ROBO2: variants seen among roughly 807,000 people sequenced by gnomAD.
ROBO2 encodes roundabout homolog 2.
ROBO2 carries 53 observed loss-of-function variants against 160.8 expected under a neutral mutation model. That is an observed-to-expected ratio of 0.33 (90% CI 0.26 to 0.41). The LOEUF (loss-of-function observed/expected upper bound fraction) is 0.41. Ranked by LOEUF, ROBO2 falls within the 10% of genes least tolerant of loss-of-function variation. The pLI, the probability that ROBO2 is intolerant of heterozygous loss-of-function variation, is 1.00. For synonymous variants in ROBO2, 664 were observed against 611.7 expected (o/e 1.09, Z -1.26); for missense variants, 1,577 against 1,722.4 (o/e 0.92, Z 1.49).
At chr3:77,288,105 T>C (rs556664145) in intron 2 of ROBO2, among the ~76,000 whole-genome samples, 4 of 152,198 alleles carry the variant, frequency 2.6e-5, no homozygotes, top group African/African-American at 9.6e-5. Context: ...ATGTGTGTAA[T>C]GATGAATTTT....
At chr3:76,103,168 G>T (rs2069774001) in intron 2 of ROBO2, among the ~76,000 whole-genome samples, 1 of 152,146 alleles carries the variant, frequency 6.6e-6, no homozygotes, top group Non-Finnish European at 1.5e-5. Flanking sequence ...CAGAAAAGAA[G>T]GGAAGTTTCC....
At chr3:76,984,638 G>A (rs1434222315) in intron 2 of ROBO2, among the ~76,000 whole-genome samples, 1 of 152,186 alleles carries the variant, frequency 6.6e-6, no homozygotes, top group East Asian at 1.9e-4. Context: ...TGGAAACGTG[G>A]TGGGAAGCCC....
At chr3:77,516,209 G>A (rs1194033855) in intron 5 of ROBO2, among the ~76,000 whole-genome samples, 2 of 151,436 alleles carry the variant, frequency 1.3e-5, no homozygotes, top group Non-Finnish European at 3.0e-5. Flanking sequence ...ATCCCAATTT[G>A]TGCTATGCCA....
intron 2 of ROBO2, among the ~76,000 whole-genome samples, chr3:77,390,256 A>G (rs2153499605): frequency 6.6e-6 from 1 of 152,256 alleles, no homozygotes; most frequent in Admixed American, 6.5e-5. Context: ...TGGAAAATCT[A>G]AAGTTGTTAT....
intron 2 of ROBO2, among the ~76,000 whole-genome samples, chr3:76,610,119 G>A (rs1328578924): frequency 6.6e-6 from 1 of 152,192 alleles, no homozygotes; most frequent in Non-Finnish European, 1.5e-5. Flanking sequence ...GCATTTGGTT[G>A]AGGATTTTTG....
intron 2 of ROBO2, among the ~76,000 whole-genome samples, chr3:77,170,232 G>A (rs1019622863): frequency 6.6e-6 from 1 of 151,944 alleles, no homozygotes; most frequent in Non-Finnish European, 1.5e-5. Flanking sequence ...GTATGGCCTA[G>A]GTAGGTTTTT....
In ROBO2 at chr3:77,596,739, T is replaced by C. The variant is rs534447320; in HGVS notation, c.2843T>C (p.Phe948Ser). 3.1e-6 allele frequency: 5 copies of C among 1,613,718 alleles called. No individual in the cohort carries two copies. In the South Asian group the frequency reaches 5.5e-5, roughly 18 times the overall value. The change falls in exon 19 of 26, where the codon TTT becomes TCT. Residue 948 changes from phenylalanine (F) to serine (S), a missense_variant. Physicochemically the swap from Phe to Ser is radical, Grantham distance 155. Transcript: ENST00000461745. Reference sequence around the variant, plus strand: ...AGTGGCCCAAATGAGATTGGAAATTTTGGCCGTGGAGGTAAGTTGTGTTTT... The same window carrying C: ...AGTGGCCCAAATGAGATTGGAAATTCTGGCCGTGGAGGTAAGTTGTGTTTT...
At chr3:76,463,828 G>A (rs1433595731) in intron 2 of ROBO2, among the ~76,000 whole-genome samples, 1 of 152,154 alleles carries the variant, frequency 6.6e-6, no homozygotes. Flanking sequence ...GCAATTTCGA[G>A]CTCAACAGAA....
intron 2 of ROBO2, among the ~76,000 whole-genome samples, chr3:77,197,612 G>C (rs758426547): frequency 6.6e-6 from 1 of 152,322 alleles, no homozygotes; most frequent in South Asian, 2.1e-4. Flanking sequence ...CAGAAAGGGG[G>C]TGAGACTTCA....
At chr3:77,237,021 A>G (rs1032044882) in intron 2 of ROBO2, among the ~76,000 whole-genome samples, 4 of 152,004 alleles carry the variant, frequency 2.6e-5, no homozygotes, top group Non-Finnish European at 4.4e-5. Context: ...CTACAGGCAC[A>G]TGCCACCATG....
chr3:76,643,394 A>G (rs1258332472), intron 2 of ROBO2, among the ~76,000 whole-genome samples: 4 of 152,192 alleles, frequency 2.6e-5, no homozygotes, highest in Admixed American at 2.0e-4. Context: ...CTCTGAGATT[A>G]CAGTTTTTTA....
chr3:76,101,397 A>G (rs2108166863), intron 2 of ROBO2, among the ~76,000 whole-genome samples: 1 of 152,242 alleles, frequency 6.6e-6, no homozygotes, highest in African/African-American at 2.4e-5. Context: ...TTTTAGATAT[A>G]AAAACATTGA....
intron 2 of ROBO2, among the ~76,000 whole-genome samples, chr3:76,879,833 C>T (rs773631507): frequency 6.6e-6 from 1 of 152,022 alleles, no homozygotes; most frequent in Non-Finnish European, 1.5e-5. Context: ...TCCTGATTAA[C>T]AAAAGATGAC....
At chr3:75,981,338 A>G (rs2065267981) in intron 2 of ROBO2, among the ~76,000 whole-genome samples, 1 of 151,460 alleles carries the variant, frequency 6.6e-6, no homozygotes. Flanking sequence ...TATCTCCTAT[A>G]GCCTATATCT....
rs114809251 is a variant in ROBO2 at position 75,962,040 on chromosome 3, G to A, written c.109+24438G>A. On this transcript the variant is annotated intron_variant, in intron 2 of 26. Coordinates refer to the ROBO2 transcript ENST00000487694. ...AAAGAAGACATTAAAGTAGTATATT[G>A]ATATTTTACAAGCACTAAGAATGTA... Among the ~76,000 whole-genome samples the A allele has an allele frequency of 2.4e-3, 369 of 151,528 alleles. 2 individuals carry two copies. The highest frequency in any genetic ancestry group is 8.5e-3 in the African/African-American group (351 of 41,416).
intron 2 of ROBO2, among the ~76,000 whole-genome samples, chr3:76,966,932 G>A (rs1273596028): frequency 6.6e-6 from 1 of 152,164 alleles, no homozygotes; most frequent in Non-Finnish European, 1.5e-5. Flanking sequence ...TGCTTGAAGA[G>A]CAGGGTACCC....
At chr3:76,315,237 C>G (rs1362059556) in intron 2 of ROBO2, among the ~76,000 whole-genome samples, 1 of 152,160 alleles carries the variant, frequency 6.6e-6, no homozygotes, top group Non-Finnish European at 1.5e-5. Flanking sequence ...TCACTTATGA[C>G]ATGAGAGTTA....
intron 2 of ROBO2, among the ~76,000 whole-genome samples, chr3:75,958,970 C>T (rs1350893176): frequency 6.6e-6 from 1 of 151,766 alleles, no homozygotes; most frequent in East Asian, 2.0e-4. Context: ...AATTTGACGG[C>T]TGTCAAGCCA....
At chr3:77,538,973 G>C in intron 6 of ROBO2, 1 of 422,408 alleles carries the variant, frequency 2.4e-6, no homozygotes, top group South Asian at 1.7e-5. Flanking sequence ...GGAGAGCAGT[G>C]GCACAACAAT....
Sources: gnomAD v4.1 joint callset for allele counts (sites outside exome capture counted in the v4.1 genomes callset) on GRCh38, gnomAD v4.1.1 for gene constraint, MANE v1.5 for transcripts, NCBI Gene and HGNC (gene_info 2026-07-23, HGNC 2026-07-21) for gene names.